Variants in RXFP2 observed in about 807,000 individuals in gnomAD.
RXFP2 encodes relaxin receptor 2.
In RXFP2, 68 loss-of-function variants were observed where a neutral mutation model predicts 88.6. The observed-to-expected ratio is 0.77, with a 90% confidence interval of 0.63 to 0.94. The LOEUF (loss-of-function observed/expected upper bound fraction) is 0.94, where lower values mean the gene tolerates loss of function less well. RXFP2 is among the 40% of genes least tolerant of loss of function. The probability of loss-of-function intolerance (pLI) is 0.00; values close to 1 mark genes in which losing one functional copy is unlikely to be tolerated. For missense variants in RXFP2, 791 were observed against 893.9 expected (o/e 0.88, Z 1.47); for synonymous variants, 329 against 306.8 (o/e 1.07, Z -0.76).
chr13:31,761,258 G>C (rs932456300), intron 2 of RXFP2, among the ~76,000 whole-genome samples: 8 of 152,048 alleles, frequency 5.3e-5, no homozygotes, highest in African/African-American at 1.9e-4. Flanking sequence ...CCAGAAAAAA[G>C]CCTTTGAGAA....
chr13:31,789,246 T>G, intron 14 of RXFP2, 53 bp downstream of exon 14: 1 of 1,126,376 alleles, frequency 8.9e-7, no homozygotes, highest in Non-Finnish European at 1.3e-6. Flanking sequence ...CTTCAAATTA[T>G]CTCCTGTAAA....
intron 15 of RXFP2, among the ~76,000 whole-genome samples, chr13:31,792,271 C>G (rs1478722804): frequency 6.6e-6 from 1 of 152,046 alleles, no homozygotes; most frequent in African/African-American, 2.4e-5. Context: ...AATAGGCAAC[C>G]AATGAGTCAA....
intron 14 of RXFP2, among the ~76,000 whole-genome samples, chr13:31,790,226 T>A (rs2138454403): frequency 1.3e-5 from 2 of 152,234 alleles, no homozygotes; most frequent in Middle Eastern, 6.8e-3. Flanking sequence ...GTCACCCCAA[T>A]CCCTTTCACC....
At chr13:31,750,013 T>C (rs1666939151) in intron 1 of RXFP2, among the ~76,000 whole-genome samples, 1 of 152,194 alleles carries the variant, frequency 6.6e-6, no homozygotes, top group Non-Finnish European at 1.5e-5. Flanking sequence ...ATCAAGTAAG[T>C]TACCTTCTAT....
chr13:31,784,688 C>T (rs975518500), intron 11 of RXFP2, among the ~76,000 whole-genome samples: 1 of 152,244 alleles, frequency 6.6e-6, no homozygotes, highest in East Asian at 1.9e-4. Flanking sequence ...CATGACAGCA[C>T]CTCAAAAGCA....
At chr13:31,789,290 C>T (rs1275245526) in intron 14 of RXFP2, 97 bp downstream of exon 14, 2 of 816,784 alleles carry the variant, frequency 2.4e-6, no homozygotes, top group East Asian at 4.9e-5. Context: ...TGTTTCTATG[C>T]AACAAAAGTC....
rs145405839 is a variant in RXFP2 at position 31,782,343 on chromosome 13, T to C, written c.858-333T>C. Among the ~76,000 whole-genome samples the C allele has an allele frequency of 4.1e-4, 63 of 152,276 alleles. 1 individual carries two copies. The East Asian group carries it at 9.4e-3, about 23-fold the overall frequency. The stretch of plus-strand genomic sequence containing the variant: ...TAGTTTTCCACATTTAGTAAGCACT[T>C]AGTGATGTTTGTTGATTGGATGGAT... On this transcript the variant is annotated intron_variant, in intron 10 of 17. Transcript: ENST00000298386.
intron 1 of RXFP2, among the ~76,000 whole-genome samples, chr13:31,742,207 G>A (rs1320635855): frequency 6.6e-6 from 1 of 152,156 alleles, no homozygotes; most frequent in Non-Finnish European, 1.5e-5. Context: ...ACTACCAATT[G>A]CTACTTAAAT....
intron 1 of RXFP2, among the ~76,000 whole-genome samples, chr13:31,754,252 T>TG (rs1871818209): frequency 6.6e-6 from 1 of 152,194 alleles, no homozygotes; most frequent in Non-Finnish European, 1.5e-5. Flanking sequence ...CACAGTCAGC[T>TG]GGGCGCAGTG....
At chr13:31,770,872 C>A (rs970611487) in intron 5 of RXFP2, among the ~76,000 whole-genome samples, 2 of 152,252 alleles carry the variant, frequency 1.3e-5, no homozygotes, top group Non-Finnish European at 2.9e-5. Context: ...TAGTAAGAAA[C>A]CCATAAGGAC....
In RXFP2 at chr13:31,803,365, G is replaced by A. The variant is rs1874442999; in HGVS notation, c.*960G>A. 6.6e-6 allele frequency: 1 copy of A among 152,120 alleles called. No individual in the cohort carries two copies. The highest frequency in any genetic ancestry group is 6.5e-5 in the Admixed American group (1 of 15,276). 9.4% of individuals were successfully genotyped at this position (152,120 alleles called of 1,614,324 possible). A position where few individuals can be genotyped will look rare whatever the true frequency, so the allele number is the denominator to read the frequency against. On this transcript the variant is annotated 3_prime_UTR_variant, in exon 18 of 18. Coordinates refer to ENST00000298386, the MANE Select transcript of RXFP2 (RefSeq NM_130806.5). ...AAAATTATATGTGAAAATGAGAACTGGGTAAATAAAATTATATTTTGCACT... is the reference window on the plus strand; with the variant it reads ...AAAATTATATGTGAAAATGAGAACTAGGTAAATAAAATTATATTTTGCACT...
chr13:31,798,170 C>T (rs940810985), intron 17 of RXFP2, among the ~76,000 whole-genome samples: 10 of 152,306 alleles, frequency 6.6e-5, no homozygotes, highest in Non-Finnish European at 1.3e-4. Context: ...AAGCAGGATG[C>T]CTGATACTTT....
At chr13:31,796,756 C>T (rs999046250) in intron 16 of RXFP2, among the ~76,000 whole-genome samples, 1 of 152,104 alleles carries the variant, frequency 6.6e-6, no homozygotes, top group South Asian at 2.1e-4. Context: ...TGGAAGTGCC[C>T]GTGGAAGAGG....
intron 5 of RXFP2, among the ~76,000 whole-genome samples, chr13:31,774,387 G>A (rs114779504): frequency 0.021 from 3,177 of 152,228 alleles, 113 homozygotes; most frequent in African/African-American, 0.073. Context: ...ACATCACACT[G>A]GAGTTCAGCG....
chr13:31,774,327 G>C (rs865990979), intron 5 of RXFP2, among the ~76,000 whole-genome samples: 1 of 152,130 alleles, frequency 6.6e-6, no homozygotes, highest in Non-Finnish European at 1.5e-5. Flanking sequence ...AGAACAGGAC[G>C]GTCACCATAG....
At chr13:31,800,734 T>A (rs182003485) in intron 17 of RXFP2, among the ~76,000 whole-genome samples, 2 of 152,362 alleles carry the variant, frequency 1.3e-5, no homozygotes, top group Non-Finnish European at 2.9e-5. Flanking sequence ...ATTGTTTTTC[T>A]GTGAGATTGG....
At chr13:31,760,453 C>T (rs982590806) in intron 2 of RXFP2, among the ~76,000 whole-genome samples, 2 of 152,180 alleles carry the variant, frequency 1.3e-5, no homozygotes, top group African/African-American at 4.8e-5. Context: ...GTCTTATCAC[C>T]AGAGCTTAGA....
At chr13:31,781,592 A>G (rs1873275703) in intron 9 of RXFP2, 79 bp from the exon 10 acceptor site, 4 of 1,019,428 alleles carry the variant, frequency 3.9e-6, no homozygotes, top group South Asian at 2.7e-5. Flanking sequence ...AATAAACTTG[A>G]TAACCATTTT....
chr13:31,772,005 A>G (rs1872752915), intron 5 of RXFP2, among the ~76,000 whole-genome samples: 1 of 91,568 alleles, frequency 1.1e-5, no homozygotes, highest in Non-Finnish European at 2.4e-5. Context: ...TTGCCAGATG[A>G]ATGTGTTGCT....
Sources: gnomAD v4.1 joint callset for allele counts (sites outside exome capture counted in the v4.1 genomes callset) on GRCh38, gnomAD v4.1.1 for gene constraint, MANE v1.5 for transcripts, NCBI Gene and HGNC (gene_info 2026-07-23, HGNC 2026-07-21) for gene names.